MAMLD1: variants seen among roughly 807,000 people sequenced by gnomAD.
MAMLD1 encodes mastermind like domain containing 1.
A neutral mutation model predicts 45.0 loss-of-function variants in MAMLD1; 14 were observed. That is an observed-to-expected ratio of 0.31 (90% CI 0.21 to 0.49). The LOEUF is 0.49. MAMLD1 is among the 20% of genes least tolerant of loss of function. The pLI is 0.99. For missense variants in MAMLD1, 543 were observed against 603.6 expected (o/e 0.90, Z 1.05); for synonymous variants, 254 against 247.8 (o/e 1.02, Z -0.24).
intron 1 of MAMLD1, among the ~76,000 whole-genome samples, chrX:150,444,969 G>C (rs6627197): frequency 9.0e-6 from 1 of 111,662 alleles, no homozygotes; most frequent in Admixed American, 9.5e-5. Context: ...ACAGTTGGTG[G>C]CTGCTTCTTC....
At chrX:150,497,005 G>A (rs2037398842) in intron 5 of MAMLD1, among the ~76,000 whole-genome samples, 1 of 112,484 alleles carries the variant, frequency 8.9e-6, no homozygotes, top group Non-Finnish European at 1.9e-5. Context: ...TTTCAAATCT[G>A]AGAATTTACA....
At chrX:150,365,325 G>A (rs930288195) in intron 1 of MAMLD1, among the ~76,000 whole-genome samples, 2 of 112,024 alleles carry the variant, frequency 1.8e-5, no homozygotes, top group African/African-American at 6.5e-5. Flanking sequence ...CCACGAAGGC[G>A]CACGGAGCCT....
chrX:150,439,569 T>C (rs1409404006), intron 1 of MAMLD1, among the ~76,000 whole-genome samples: 5 of 111,913 alleles, frequency 4.5e-5, no homozygotes, highest in African/African-American at 1.6e-4. Flanking sequence ...CACACTACCA[T>C]TTGTTGAAGA....
intron 2 of MAMLD1, among the ~76,000 whole-genome samples, chrX:150,454,765 C>G (rs2035788371): frequency 9.0e-6 from 1 of 110,762 alleles, no homozygotes; most frequent in African/African-American, 3.3e-5. Context: ...ACCTCCACCA[C>G]CACTACCCTC....
At chrX:150,469,613 C>G in intron 3 of MAMLD1, 132 bp from the exon 4 acceptor site, 1 of 499,074 alleles carries the variant, frequency 2.0e-6, no homozygotes, top group Non-Finnish European at 3.3e-6. Context: ...ATTCCTCTCT[C>G]TCTCTCTCTC....
intron 1 of MAMLD1, among the ~76,000 whole-genome samples, chrX:150,424,202 C>A (rs781984166): frequency 1.8e-5 from 2 of 112,578 alleles, no homozygotes; most frequent in Non-Finnish European, 3.8e-5. Flanking sequence ...TTGGTTTGTA[C>A]AATTCTTGGC....
intron 1 of MAMLD1, among the ~76,000 whole-genome samples, chrX:150,438,774 G>T (rs1324908079): frequency 1.8e-5 from 2 of 112,170 alleles, no homozygotes; most frequent in Non-Finnish European, 3.8e-5. Context: ...ATGTACATTC[G>T]GTATGTTTCC....
At chrX:150,414,797 G>T (rs1199687345) in intron 1 of MAMLD1, among the ~76,000 whole-genome samples, 6 of 111,634 alleles carry the variant, frequency 5.4e-5, no homozygotes. Flanking sequence ...CGGTGAGCTG[G>T]GCCTGCCAGC....
intron 5 of MAMLD1, among the ~76,000 whole-genome samples, chrX:150,483,665 C>T (rs1310799038): frequency 8.9e-6 from 1 of 112,598 alleles, no homozygotes; most frequent in African/African-American, 3.2e-5. Flanking sequence ...CCTTCTATAG[C>T]ACTTGTGCAA....
intron 1 of MAMLD1, among the ~76,000 whole-genome samples, chrX:150,418,360 T>C (rs2124546241): frequency 9.1e-6 from 1 of 110,284 alleles, no homozygotes; most frequent in African/African-American, 3.3e-5. Context: ...TAGTGGTCTA[T>C]CAATTTTGTT....
chrX:150,507,334 G>A (rs188160444), intron 6 of MAMLD1, among the ~76,000 whole-genome samples: 14 of 112,470 alleles, frequency 1.2e-4, no homozygotes, highest in Admixed American at 2.8e-4. Context: ...GTGTCAAAAG[G>A]CAACAACTGT....
chrX:150,465,890 G>A (rs973270693), intron 3 of MAMLD1, among the ~76,000 whole-genome samples: 8 of 112,600 alleles, frequency 7.1e-5, no homozygotes, highest in Non-Finnish European at 1.5e-4. Context: ...TGGGAGCTTG[G>A]TTGGGGACCT....
chrX:150,508,652 G>A (rs372800108), intron 6 of MAMLD1, among the ~76,000 whole-genome samples: 38 of 112,718 alleles, frequency 3.4e-4, no homozygotes, highest in East Asian at 2.5e-3. Flanking sequence ...GCACTGGGTC[G>A]CTACCCCGCC....
At chrX:150,457,339 T>C (rs966827160) in intron 2 of MAMLD1, among the ~76,000 whole-genome samples, 1 of 112,067 alleles carries the variant, frequency 8.9e-6, no homozygotes, top group East Asian at 2.8e-4. Context: ...GTCCCAGCTC[T>C]CCCTGCTACT....
At chrX:150,406,505 G>T (rs2034001474) in intron 1 of MAMLD1, among the ~76,000 whole-genome samples, 1 of 111,579 alleles carries the variant, frequency 9.0e-6, no homozygotes, top group Non-Finnish European at 1.9e-5. Context: ...GTGTCCCTGG[G>T]CTCATGATCC....
chrX:150,468,419 G>A (rs1365910178), intron 3 of MAMLD1, among the ~76,000 whole-genome samples: 1 of 111,057 alleles, frequency 9.0e-6, no homozygotes, highest in African/African-American at 3.3e-5. Flanking sequence ...CTGGAAAGGG[G>A]TTATTTGGGG....
In MAMLD1 at chrX:150,411,402, C is replaced by T. The variant is rs991704974; in HGVS notation, c.-63-34052C>T. On this transcript the variant is annotated intron_variant, in intron 1 of 7. Transcript: ENST00000370401. The stretch of plus-strand genomic sequence containing the variant: ...CACAAGTTTGCCAGCACTGATGGCC[C>T]CCCACCCCAACTCTGGATTCCAAGC... Among the ~76,000 whole-genome samples, 10 of 112,169 alleles carry T rather than the reference C, an allele frequency of 8.9e-5. No individual in the cohort carries two copies. The Admixed American group carries it at 9.4e-4, about 11-fold the overall frequency.
intron 4 of MAMLD1, among the ~76,000 whole-genome samples, chrX:150,472,660 G>T (rs912430622): frequency 1.5e-4 from 17 of 112,335 alleles, no homozygotes; most frequent in Non-Finnish European, 2.4e-4. Flanking sequence ...GTGAAGCAGG[G>T]TAATGGGGAG....
chrX:150,375,173 A>T (rs1423341940), intron 1 of MAMLD1, among the ~76,000 whole-genome samples: 1 of 111,728 alleles, frequency 9.0e-6, no homozygotes, highest in Non-Finnish European at 1.9e-5. Context: ...AAAGATGGGG[A>T]AACTGAGGCC....
Sources: allele counts gnomAD v4.1 joint callset (sites outside exome capture counted in the v4.1 genomes callset), GRCh38; gene constraint gnomAD v4.1.1; transcripts MANE v1.5; gene names NCBI Gene and HGNC (gene_info 2026-07-23, HGNC 2026-07-21).